Variants in SLA observed in about 807,000 individuals in gnomAD.
SLA encodes the protein src-like-adapter.
A neutral mutation model predicts 30.3 loss-of-function variants in SLA; 16 were observed. The ratio of observed to expected loss-of-function variants is 0.53; its 90% confidence interval spans 0.36 to 0.80. The LOEUF is 0.80. Among genes scored for constraint, SLA ranks in the 30% least tolerant of loss-of-function variants. The pLI is 0.01. For missense variants in SLA, 310 were observed against 345.2 expected (o/e 0.90, Z 0.81); for synonymous variants, 143 against 137.8 (o/e 1.04, Z -0.26).
At chr8:133,060,057 T>C in intron 3 of SLA, 43 bp downstream of exon 3, 1 of 1,539,598 alleles carries the variant, frequency 6.5e-7, no homozygotes, top group Non-Finnish European at 8.7e-7. Context: ...CACAGGCTCT[T>C]GTAGCACAGA....
At chr8:133,094,069 G>A (rs886655107) in intron 1 of SLA, among the ~76,000 whole-genome samples, 1 of 151,992 alleles carries the variant, frequency 6.6e-6, no homozygotes, top group Non-Finnish European at 1.5e-5. Flanking sequence ...CTGAGCTACG[G>A]GGAGCCCCAT....
At chr8:133,049,210 T>A (rs1375748502) in intron 5 of SLA, 1 of 454,338 alleles carries the variant, frequency 2.2e-6, no homozygotes, top group Non-Finnish European at 4.4e-6. Flanking sequence ...GGTGCTTATT[T>A]TCTTATCTGT....
Position 133,038,426 on chromosome 8 carries a change from G to T in SLA, c.*98C>A. On this transcript the variant is annotated 3_prime_UTR_variant, in exon 9 of 9. Coordinates refer to ENST00000338087, the MANE Select transcript of SLA (RefSeq NM_001045556.3). ...TTCTCTTGGCTTCTAAAATACGTGA[G>T]GCTCCCAGGGATCAGGGAACCTCGC... 1.1e-6 allele frequency: 1 copy of T among 906,578 alleles called. No individual in the cohort carries two copies. The highest frequency in any genetic ancestry group is 1.8e-6 in the Non-Finnish European group (1 of 556,234). The allele number at this position is 906,578 out of a possible 1,614,324, so 56.2% of individuals were successfully genotyped here.
intron 1 of SLA, among the ~76,000 whole-genome samples, chr8:133,084,123 G>T (rs1846146958): frequency 6.6e-6 from 1 of 152,122 alleles, no homozygotes; most frequent in African/African-American, 2.4e-5. Context: ...CTGGTCAAGA[G>T]CTGGCCCATG....
chr8:133,090,731 T>G (rs1295714162), intron 1 of SLA, among the ~76,000 whole-genome samples: 1 of 152,120 alleles, frequency 6.6e-6, no homozygotes, highest in African/African-American at 2.4e-5. Flanking sequence ...GATCATAATA[T>G]CTCCATTTTA....
chr8:133,100,960 G>T (rs1254820407), intron 1 of SLA, among the ~76,000 whole-genome samples: 1 of 133,386 alleles, frequency 7.5e-6, no homozygotes, highest in Non-Finnish European at 1.6e-5. Flanking sequence ...TATTTAACAC[G>T]ATTTTTTTTC....
intron 3 of SLA, among the ~76,000 whole-genome samples, chr8:133,057,578 G>A (rs1387034271): frequency 6.6e-6 from 1 of 152,046 alleles, no homozygotes; most frequent in East Asian, 1.9e-4. Flanking sequence ...CAGATCTCTG[G>A]GGCAGCCCGA....
chr8:133,102,429 GAC>G, intron 1 of SLA, 122 bp downstream of exon 1: 1 of 841,430 alleles, frequency 1.2e-6, no homozygotes, highest in African/African-American at 1.7e-5. Flanking sequence ...ATTTTCTTCA[GAC>G]CAAAGACGGA....
At chr8:133,055,523 T>C (rs1168145334) in intron 3 of SLA, among the ~76,000 whole-genome samples, 2 of 152,100 alleles carry the variant, frequency 1.3e-5, no homozygotes, top group Non-Finnish European at 2.9e-5. Context: ...TAGTCATATG[T>C]AAAGGGCTGT....
chr8:133,075,851 C>T (rs1309039301), intron 1 of SLA, among the ~76,000 whole-genome samples: 4 of 151,898 alleles, frequency 2.6e-5, no homozygotes, highest in African/African-American at 9.7e-5. Flanking sequence ...ACTTGGTGAG[C>T]CTAGGTGAAG....
At chr8:133,095,328 A>G (rs576786248) in intron 1 of SLA, 122 of 1,388,724 alleles carry the variant, frequency 8.8e-5, no homozygotes, top group South Asian at 4.5e-4. Context: ...CTGATGACCA[A>G]CTGGAGCTGG....
At chr8:133,039,469 T>G (rs551160324) in intron 8 of SLA, among the ~76,000 whole-genome samples, 1 of 152,346 alleles carries the variant, frequency 6.6e-6, no homozygotes, top group South Asian at 2.1e-4. Flanking sequence ...GGATTGATAC[T>G]GAATTATTAA....
At chr8:133,069,137 T>G (rs572301147) in intron 2 of SLA, among the ~76,000 whole-genome samples, 1 of 152,310 alleles carries the variant, frequency 6.6e-6, no homozygotes, top group Middle Eastern at 3.4e-3. Flanking sequence ...AAGGTGGAGG[T>G]AGATGGAAAC....
chr8:133,077,549 G>T (rs1055999343), intron 1 of SLA, among the ~76,000 whole-genome samples: 5 of 152,172 alleles, frequency 3.3e-5, no homozygotes, highest in Non-Finnish European at 7.3e-5. Context: ...CAAAGCCTGG[G>T]CTGTGCCAGA....
In SLA at chr8:133,067,592, G is replaced by A. The variant is rs532180507; in HGVS notation, c.-41+7261C>T. On this transcript the variant is annotated intron_variant, in intron 2 of 8. Transcript: ENST00000338087. ...GGAGTTCAAGACCAACCTGGCCAAC[G>A]TTGTGAAACCCTATCTCTACTAAAA... Among the ~76,000 whole-genome samples the A allele has an allele frequency of 7.9e-5, 12 of 152,088 alleles. No individual in the cohort carries two copies. The South Asian group carries it at 1.2e-3, about 16-fold the overall frequency.
intron 1 of SLA, 44 bp from the exon 2 acceptor site, chr8:133,075,174 A>C: frequency 2.1e-6 from 2 of 953,522 alleles, no homozygotes; most frequent in Non-Finnish European, 2.5e-6. Context: ...AAAGCATTTG[A>C]GAATATGGCC....
chr8:133,096,408 G>A, intron 1 of SLA: 1 of 1,613,372 alleles, frequency 6.2e-7, no homozygotes, highest in Non-Finnish European at 8.5e-7. Context: ...GTCTCCAGCT[G>A]GGCATTTCCT....
At chr8:133,070,822 C>A (rs373493392) in intron 2 of SLA, among the ~76,000 whole-genome samples, 1 of 152,234 alleles carries the variant, frequency 6.6e-6, no homozygotes, top group African/African-American at 2.4e-5. Flanking sequence ...CAGGCACCCC[C>A]GCTCCTGACC....
At chr8:133,057,320 A>G (rs1841623730) in intron 3 of SLA, among the ~76,000 whole-genome samples, 1 of 152,204 alleles carries the variant, frequency 6.6e-6, no homozygotes, top group South Asian at 2.1e-4. Flanking sequence ...TGTATTAAAA[A>G]ATCCTGTACT....
Sources: gnomAD v4.1 joint callset for allele counts (sites outside exome capture counted in the v4.1 genomes callset) on GRCh38, gnomAD v4.1.1 for gene constraint, MANE v1.5 for transcripts, NCBI Gene and HGNC (gene_info 2026-07-23, HGNC 2026-07-21) for gene names.